The following XKR6 variants were observed in gnomAD, a reference collection of about 807,000 sequenced individuals.
XKR6 encodes XK related 6.
A neutral mutation model predicts 56.7 loss-of-function variants in XKR6; 22 were observed. That is an observed-to-expected ratio of 0.39 (90% CI 0.28 to 0.55). XKR6 has a LOEUF of 0.55. XKR6 is among the 20% of genes least tolerant of loss of function. The probability of loss-of-function intolerance (pLI) is 0.66; values close to 1 mark genes in which losing one functional copy is unlikely to be tolerated. For synonymous variants in XKR6, 524 were observed against 387.8 expected, an observed-to-expected ratio of 1.35 and a Z score of -4.13; for missense variants, 852 against 889.0, an observed-to-expected ratio of 0.96 and a Z score of 0.53.
chr8:11,026,735 A>AC (rs1798875076), intron 1 of XKR6, among the ~76,000 whole-genome samples: 6 of 150,652 alleles, frequency 4.0e-5, no homozygotes, highest in African/African-American at 9.9e-5. Context: ...CCTACTACAC[A>AC]CTTAGATGGT....
chr8:11,052,644 C>T (rs570332046), intron 1 of XKR6, among the ~76,000 whole-genome samples: 1 of 152,216 alleles, frequency 6.6e-6, no homozygotes, highest in East Asian at 1.9e-4. Context: ...CTCTCTCCCC[C>T]TGGTTTTCTC....
intron 1 of XKR6, among the ~76,000 whole-genome samples, chr8:11,133,277 G>A (rs776826099): frequency 1.3e-5 from 2 of 152,078 alleles, no homozygotes; most frequent in Non-Finnish European, 1.5e-5. Flanking sequence ...ACAAAAATAC[G>A]GCGTCAGCTT....
At chr8:11,087,871 G>T (rs1406239532) in intron 1 of XKR6, among the ~76,000 whole-genome samples, 2 of 152,220 alleles carry the variant, frequency 1.3e-5, no homozygotes, top group South Asian at 2.1e-4. Context: ...AGAGAGCAGA[G>T]ATTTCTGTCC....
At chr8:11,062,174 C>G (rs187276242) in intron 1 of XKR6, among the ~76,000 whole-genome samples, 509 of 152,228 alleles carry the variant, frequency 3.3e-3, no homozygotes, top group Middle Eastern at 6.8e-3. Flanking sequence ...CACACATCGG[C>G]CCATCCTGCC....
At chr8:11,090,000 A>G (rs1425352021) in intron 1 of XKR6, among the ~76,000 whole-genome samples, 1 of 152,170 alleles carries the variant, frequency 6.6e-6, no homozygotes, top group African/African-American at 2.4e-5. Context: ...TTTTTTTCAC[A>G]TTTATCCATG....
chr8:10,973,004 T>C (rs1036460502), intron 1 of XKR6, among the ~76,000 whole-genome samples: 3 of 152,204 alleles, frequency 2.0e-5, no homozygotes, highest in Non-Finnish European at 4.4e-5. Flanking sequence ...TTGGGACATT[T>C]AGTTTGCCCA....
chr8:10,986,561 T>A (rs2129139103), intron 1 of XKR6, among the ~76,000 whole-genome samples: 1 of 152,274 alleles, frequency 6.6e-6, no homozygotes, highest in African/African-American at 2.4e-5. Flanking sequence ...AATAGTAGAT[T>A]TTGGTAGTTT....
chr8:11,116,179 C>T (rs991036529), intron 1 of XKR6, among the ~76,000 whole-genome samples: 9 of 152,272 alleles, frequency 5.9e-5, no homozygotes, highest in East Asian at 1.9e-4. Flanking sequence ...CAGTGAAACC[C>T]GTCCTCCTTT....
chr8:10,903,254 C>T (rs1800092458), intron 2 of XKR6, among the ~76,000 whole-genome samples: 1 of 152,212 alleles, frequency 6.6e-6, no homozygotes. Context: ...ACAAGTCCTG[C>T]AGCCCCCACA....
At chr8:11,068,604 G>C (rs1056429459) in intron 1 of XKR6, among the ~76,000 whole-genome samples, 2 of 152,244 alleles carry the variant, frequency 1.3e-5, no homozygotes, top group South Asian at 2.1e-4. Flanking sequence ...ATGGCATCTC[G>C]GCAGGTCCTG....
intron 1 of XKR6, chr8:11,108,356 T>A: frequency 2.2e-6 from 1 of 456,162 alleles, no homozygotes; most frequent in South Asian, 1.6e-5. Flanking sequence ...CTACTACAAT[T>A]TGAAGTACAC....
chr8:11,128,756 T>C, intron 1 of XKR6: 1 of 436,422 alleles, frequency 2.3e-6, no homozygotes, highest in South Asian at 1.6e-5. Flanking sequence ...CTTTCCAACT[T>C]TCTTTCCCTC....
chr8:11,005,644 G>A (rs9329232), intron 1 of XKR6, among the ~76,000 whole-genome samples: 72,380 of 151,910 alleles, frequency 0.48, 21,890 homozygotes, highest in African/African-American at 0.86. Context: ...CGATGTGTTC[G>A]TTAAGGAAAA....
At chr8:11,191,408 C>A (rs1015015179) in intron 1 of XKR6, among the ~76,000 whole-genome samples, 1 of 152,182 alleles carries the variant, frequency 6.6e-6, no homozygotes, top group Non-Finnish European at 1.5e-5. Context: ...AAGGGAAAAA[C>A]TACCTTTATA....
At chr8:10,992,293 A>G (rs760474754) in intron 1 of XKR6, among the ~76,000 whole-genome samples, 3 of 152,064 alleles carry the variant, frequency 2.0e-5, no homozygotes, top group Non-Finnish European at 4.4e-5. Context: ...TCTCTCACAC[A>G]CACACACACA....
At chr8:10,990,878 C>T (rs961674963) in intron 1 of XKR6, among the ~76,000 whole-genome samples, 2 of 149,534 alleles carry the variant, frequency 1.3e-5, no homozygotes, top group African/African-American at 5.0e-5. Flanking sequence ...TCACCATGCC[C>T]GGCCACTGGG....
chr8:11,133,338 T>C (rs1458652260), intron 1 of XKR6, among the ~76,000 whole-genome samples: 1 of 152,096 alleles, frequency 6.6e-6, no homozygotes, highest in Non-Finnish European at 1.5e-5. Context: ...ACTGTAGCAA[T>C]AATCGTTCCT....
intron 1 of XKR6, among the ~76,000 whole-genome samples, chr8:11,164,021 T>A (rs191485035): frequency 1.8e-3 from 275 of 152,330 alleles, no homozygotes; most frequent in African/African-American, 6.3e-3. Flanking sequence ...TGAGCATGTT[T>A]TGGGGGGCCA....
intron 1 of XKR6, among the ~76,000 whole-genome samples, chr8:11,164,486 A>T (rs1393929366): frequency 1.3e-5 from 2 of 152,248 alleles, no homozygotes; most frequent in Admixed American, 1.3e-4. Flanking sequence ...TCCGAAAGGG[A>T]AAAAAGCAGA....
Sources: gnomAD v4.1 joint callset for allele counts (sites outside exome capture counted in the v4.1 genomes callset) on GRCh38, gnomAD v4.1.1 for gene constraint, MANE v1.5 for transcripts, NCBI Gene and HGNC (gene_info 2026-07-23, HGNC 2026-07-21) for gene names.